IK: variants seen among roughly 807,000 people sequenced by gnomAD.
IK encodes IK cytokine.
In IK, 47 loss-of-function variants were observed where a neutral mutation model predicts 90.9. That is an observed-to-expected ratio of 0.52 (90% CI 0.41 to 0.66). The LOEUF is 0.66. Ranked by LOEUF, IK falls within the 30% of genes least tolerant of loss-of-function variation. The pLI, the probability that IK is intolerant of heterozygous loss-of-function variation, is 0.00. For missense variants in IK, 385 were observed against 709.3 expected, an observed-to-expected ratio of 0.54 and a Z score of 5.19; for synonymous variants, 201 against 227.5, an observed-to-expected ratio of 0.88 and a Z score of 1.05.
chr5:140,658,349 G>A (rs1163554593), intron 10 of IK, among the ~76,000 whole-genome samples: 6 of 151,428 alleles, frequency 4.0e-5, no homozygotes, highest in East Asian at 1.9e-4. Context: ...GACGAGTCTC[G>A]TTTTGTCGCC....
chr5:140,659,721 G>A (rs11167549), intron 13 of IK, 35 bp from the exon 14 acceptor site: 2 of 1,399,084 alleles, frequency 1.4e-6, no homozygotes. Context: ...GAGAGCCTCA[G>A]TTCAAGGTCT....
chr5:140,652,910 G>A, intron 4 of IK, 67 bp from the exon 5 acceptor site: 3 of 1,480,472 alleles, frequency 2.0e-6, no homozygotes, highest in Non-Finnish European at 2.8e-6. Context: ...AAGCAAGCAG[G>A]AACAGTTCTG....
chr5:140,659,164 G>C lies in IK; in HGVS notation c.1176G>C (p.Glu392Asp), dbSNP rs1313295756. 1 of 1,588,042 alleles carries C rather than the reference G, an allele frequency of 6.3e-7. No homozygotes were observed. The highest frequency in any genetic ancestry group is 8.6e-7 in the Non-Finnish European group (1 of 1,166,562). The change falls in exon 12 of 20, where the codon GAG becomes GAC. Residue 392 changes from glutamate (E) to aspartate (D), a missense_variant and splice_region_variant. Glu to Asp is a conservative substitution (Grantham distance 45, BLOSUM62 2). Around this residue, in one of 8 missense-constraint regions of IK, gnomAD observed 139 missense variants for 172.0 expected, o/e 0.81. Coordinates refer to ENST00000417647, the MANE Select transcript of IK (RefSeq NM_006083.4). ...TTGAGAAGCCAAAAGTAGATGATGA[G>C]GTGAGATGTGGGCCCTTAGTACCAG... Reference protein sequence around the residue: ...SYFEKPKVDDEPMDVDKGPGS... With the variant: ...SYFEKPKVDDDPMDVDKGPGS...
chr5:140,650,951 C>T (rs1299352054), intron 2 of IK, among the ~76,000 whole-genome samples: 1 of 152,052 alleles, frequency 6.6e-6, no homozygotes, highest in Non-Finnish European at 1.5e-5. Flanking sequence ...CAGTAATGGA[C>T]CAGGCTAAAT....
rs755281495 is a variant in IK at position 140,659,175 on chromosome 5, G to C, written c.1176+11G>C. Reference sequence around the variant, plus strand: ...AAAGTAGATGATGAGGTGAGATGTGGGCCCTTAGTACCAGGTGATGGAGTT... The same window carrying C: ...AAAGTAGATGATGAGGTGAGATGTGCGCCCTTAGTACCAGGTGATGGAGTT... On this transcript the variant is annotated intron_variant, in intron 12 of 19. Coordinates refer to ENST00000417647, the MANE Select transcript of IK (RefSeq NM_006083.4). The C allele has an allele frequency of 2.2e-5, 35 of 1,589,630 alleles. No individual in the cohort carries two copies. In the Middle Eastern group the frequency reaches 5.0e-4, roughly 23 times the overall value.
intron 2 of IK, chr5:140,648,799 C>A: frequency 2.3e-6 from 1 of 435,402 alleles, no homozygotes; most frequent in Non-Finnish European, 4.1e-6. Context: ...ATTACTTCTT[C>A]CAATAGCAAA....
intron 6 of IK, among the ~76,000 whole-genome samples, chr5:140,654,253 C>G (rs1757669219): frequency 6.6e-6 from 1 of 152,220 alleles, no homozygotes; most frequent in Non-Finnish European, 1.5e-5. Flanking sequence ...CTTCCCTGAT[C>G]ACCCAGGTGT....
intron 5 of IK, 61 bp downstream of exon 5, chr5:140,653,205 G>A (rs1225246685): frequency 7.0e-7 from 1 of 1,438,166 alleles, no homozygotes; most frequent in South Asian, 1.2e-5. Context: ...CAAATACAAT[G>A]TGAACTCTTC....
rs778452715 is a variant in IK, at chr5:140,659,729, TCTGGG to T, written c.1196-23_1196-19del. 4.1e-6 allele frequency: 6 copies of T among 1,476,080 alleles called. No homozygotes were observed. The Admixed American group carries it at 1.1e-4, about 28-fold the overall frequency. The allele number at this position is 1,476,080 out of a possible 1,614,324, so 91.4% of individuals were successfully genotyped here. ...AGGTTGTGAGAGCCTCAGTTCAAGG[TCTGGG>T]CTGAGTTCTCTTTTCTCCTAGGACC... On this transcript the variant is annotated intron_variant, in intron 13 of 19. Coordinates refer to ENST00000417647, the MANE Select transcript of IK (RefSeq NM_006083.4).
chr5:140,648,065 T>G (rs1202009073), intron 1 of IK, 141 bp downstream of exon 1: 73 of 968,972 alleles, frequency 7.5e-5, no homozygotes, highest in Non-Finnish European at 1.1e-4. Context: ...TGTGTGACGC[T>G]TGAGCCCGGA....
rs1367796496 is a variant in IK, at chr5:140,661,956, G to A, written c.1560G>A (p.Lys520=). 6.2e-7 allele frequency: 1 copy of A among 1,611,784 alleles called. No homozygotes were observed. Among genetic ancestry groups the A allele is most frequent in the Non-Finnish European group, 8.5e-7 (1 of 1,178,924 alleles). ...MSEGRKTRRF[K]ETNDKAELDR... is the part of the protein sequence containing the mutation. ...AAGGGCGGAAAACCAGGCGCTTCAA[G>A]GAAACCAATGACAAAGCAGAGCTTG... The change falls in exon 18 of 20, where the codon AAG becomes AAA. Residue 520 remains lysine, a synonymous_variant. Transcript: ENST00000417647. This position sits in a 1 kb window ranked among gnomAD's most constrained non-coding sequence, Gnocchi z 4.2.
intron 9 of IK, among the ~76,000 whole-genome samples, chr5:140,657,063 C>T (rs1309327724): frequency 2.0e-5 from 3 of 152,146 alleles, no homozygotes; most frequent in East Asian, 1.9e-4. Flanking sequence ...ATTAGCCAGG[C>T]GTGGCGGCAT....
Position 140,660,292 on chromosome 5 carries a change from CTTTTTTTTTT to C in IK, c.1355+110_1355+119del, listed in dbSNP as rs200714869. The C allele has an allele frequency of 7.8e-5, 22 of 283,150 alleles. 1 individual carries two copies. The highest frequency in any genetic ancestry group is 1.7e-4 in the Admixed American group (3 of 17,634). 17.5% of individuals were successfully genotyped at this position (283,150 alleles called of 1,614,324 possible). On this transcript the variant is annotated intron_variant, in intron 15 of 19. Coordinates refer to ENST00000417647, the MANE Select transcript of IK (RefSeq NM_006083.4). ...GATTCGCTAAGTCCCAGGGCTACTT[CTTTTTTTTTT>C]TTTTTTTTTTTTGGAGACAGAGTCT...
intron 13 of IK, 86 bp from the exon 14 acceptor site, chr5:140,659,670 C>A: frequency 1.1e-6 from 1 of 870,712 alleles, no homozygotes; most frequent in Non-Finnish European, 1.9e-6. Flanking sequence ...GGTTCTATGC[C>A]TTAAAAATGT....
At chr5:140,652,267 G>T in intron 4 of IK, 120 bp downstream of exon 4, 1 of 738,938 alleles carries the variant, frequency 1.4e-6, no homozygotes, top group Non-Finnish European at 2.3e-6. Context: ...CTTTCTTAAT[G>T]AAACAGAGTG....
In IK at chr5:140,657,704, C is replaced by T. The variant is rs145110375; in HGVS notation, c.910+42C>T. 3,129 of 1,339,958 alleles carry T rather than the reference C, an allele frequency of 2.3e-3. 14 individuals carry two copies. The highest frequency in any genetic ancestry group is 0.011 in the Middle Eastern group (58 of 5,438). The allele number at this position is 1,339,958 out of a possible 1,614,324, so 83.0% of individuals were successfully genotyped here. A position where few individuals can be genotyped will look rare whatever the true frequency, so the allele number is the denominator to read the frequency against. ...AGAGAGAAGCCTTACCCACAGAGGA[C>T]GTTTGGGGATAAAACCAAGGTCTCC... is the stretch of plus-strand genomic sequence containing the variant. On this transcript the variant is annotated intron_variant, in intron 10 of 19. Transcript: ENST00000417647.
chr5:140,662,327 T>C lies in IK; in HGVS notation c.1672T>C (p.Ter558GlnextTer32). The C allele has an allele frequency of 6.2e-7, 1 of 1,613,902 alleles. No homozygotes were observed. The highest frequency in any genetic ancestry group is 8.5e-7 in the Non-Finnish European group (1 of 1,179,752). ...GGTTGAAGTCAAAAGACCAAAATACTAATCACTAGTTACAACCAGAGATGC... is the reference window on the plus strand; with the variant it reads ...GGTTGAAGTCAAAAGACCAAAATACCAATCACTAGTTACAACCAGAGATGC... ...DGVEVKRPKY[*>Q] Residue 558 changes from the stop codon to glutamine, a stop_lost, in exon 20 of 20, where the codon TAA (stop) becomes CAA (glutamine). Transcript: ENST00000417647.
intron 15 of IK, chr5:140,660,464 GT>G (rs1757786031): frequency 1.9e-6 from 1 of 535,938 alleles, no homozygotes; most frequent in Non-Finnish European, 3.3e-6. Flanking sequence ...CACCTGGCTA[GT>G]TTTTGTATTT....
In IK at chr5:140,660,821, T is replaced by C. The variant is rs1473658955; in HGVS notation, c.1413+6T>C. 6.2e-7 allele frequency: 1 copy of C among 1,609,844 alleles called. No individual in the cohort carries two copies. Among genetic ancestry groups the C allele is most frequent in the South Asian group, 1.1e-5 (1 of 90,998 alleles). On this transcript the variant is annotated splice_donor_region_variant and intron_variant, in intron 16 of 19. Coordinates refer to ENST00000417647, the MANE Select transcript of IK (RefSeq NM_006083.4). ...ATTATAGCAAAATGGACCAGGTATG[T>C]AGTTAGAAGGATGGTGGGCGCCTTT...
Sources: allele counts gnomAD v4.1 joint callset (sites outside exome capture counted in the v4.1 genomes callset), GRCh38; gene constraint gnomAD v4.1.1; regional missense constraint gnomAD v4.1.1; non-coding constraint Gnocchi (gnomAD v3.1); transcripts MANE v1.5; gene names NCBI Gene and HGNC (gene_info 2026-07-23, HGNC 2026-07-21).